Variants in PXDNL observed in about 807,000 individuals in gnomAD.
The protein encoded by PXDNL is probable oxidoreductase PXDNL.
PXDNL carries 145 observed loss-of-function variants against 150.8 expected under a neutral mutation model. That is an observed-to-expected ratio of 0.96 (90% CI 0.84 to 1.10). PXDNL has a LOEUF of 1.10. Among genes scored for constraint, PXDNL ranks in the 50% least tolerant of loss-of-function variants. PXDNL has a pLI of 0.00. For synonymous variants in PXDNL, 757 were observed against 725.7 expected, an observed-to-expected ratio of 1.04 and a Z score of -0.69; for missense variants, 2,087 against 1,873.9, an observed-to-expected ratio of 1.11 and a Z score of -2.10.
chr8:51,356,998 C>T (rs1806529966), intron 19 of PXDNL, among the ~76,000 whole-genome samples: 1 of 152,132 alleles, frequency 6.6e-6, no homozygotes, highest in Non-Finnish European at 1.5e-5. Context: ...ATCCCCCAAA[C>T]CACCCTACTG....
chr8:51,700,326 TACAC>T (rs1816228770), intron 1 of PXDNL, among the ~76,000 whole-genome samples: 2 of 150,920 alleles, frequency 1.3e-5, no homozygotes, highest in South Asian at 2.1e-4. Flanking sequence ...CAAAAATAAA[TACAC>T]ACATATACAC....
chr8:51,792,948 C>T (rs2037527191), intron 1 of PXDNL, among the ~76,000 whole-genome samples: 1 of 152,192 alleles, frequency 6.6e-6, no homozygotes, highest in African/African-American at 2.4e-5. Context: ...GGGATGTCCC[C>T]CAGCACAGCA....
At chr8:51,450,079 C>A (rs11985980) in intron 10 of PXDNL, among the ~76,000 whole-genome samples, 46,040 of 152,136 alleles carry the variant, frequency 0.3, 7,697 homozygotes, top group African/African-American at 0.44. Flanking sequence ...CAATTCCCAG[C>A]ACTTAGAGTT....
rs1432085650 is a variant in PXDNL, at chr8:51,408,788, G to A, written c.2836C>T (p.Arg946Ter). The A allele has an allele frequency of 8.3e-6, 13 of 1,573,184 alleles. No individual in the cohort carries two copies. Among genetic ancestry groups the A allele is most frequent in the South Asian group, 1.2e-5 (1 of 84,064 alleles). ...AAACAGGGGCTCTCCTGCTCCTGTC[G>A]CGCGCACTCGGTGGGTGGGCCTGTA... ...FSTGPPTECA[R>*]QEQESPCFLA... Residue 946 changes from arginine (R) to a stop codon, truncating the protein, a stop_gained, in exon 17 of 23, where the codon CGA (arginine) becomes TGA (stop). Transcript: ENST00000356297. LOFTEE classifies it high-confidence loss of function.
At chr8:51,779,472 G>A (rs1168675038) in intron 1 of PXDNL, among the ~76,000 whole-genome samples, 4 of 152,204 alleles carry the variant, frequency 2.6e-5, no homozygotes, top group South Asian at 4.1e-4. Flanking sequence ...CAGTGGAGAT[G>A]GCACAGTACA....
intron 2 of PXDNL, among the ~76,000 whole-genome samples, chr8:51,652,164 G>T (rs183991611): frequency 6.6e-6 from 1 of 152,102 alleles, no homozygotes; most frequent in East Asian, 1.9e-4. Context: ...TTCATTTTGT[G>T]ATGCTGTGTT....
chr8:51,618,866 G>A (rs759452119), intron 2 of PXDNL, among the ~76,000 whole-genome samples: 1 of 152,104 alleles, frequency 6.6e-6, no homozygotes, highest in Non-Finnish European at 1.5e-5. Flanking sequence ...AAAAAATGTC[G>A]GTGGTTCTTA....
intron 4 of PXDNL, among the ~76,000 whole-genome samples, chr8:51,547,064 C>T (rs1185713316): frequency 6.6e-6 from 1 of 152,166 alleles, no homozygotes; most frequent in Non-Finnish European, 1.5e-5. Context: ...TCTCTACCTG[C>T]CCTTATAGCC....
intron 2 of PXDNL, among the ~76,000 whole-genome samples, chr8:51,593,604 A>G (rs1453253345): frequency 6.6e-6 from 1 of 152,172 alleles, no homozygotes; most frequent in African/African-American, 2.4e-5. Flanking sequence ...TGTTTTGGCC[A>G]CTGGAGCAGG....
chr8:51,465,481 T>C (rs966517253), intron 8 of PXDNL, among the ~76,000 whole-genome samples: 2 of 152,156 alleles, frequency 1.3e-5, no homozygotes, highest in Non-Finnish European at 2.9e-5. Flanking sequence ...AGCATTCCCC[T>C]TGAGAACCAA....
In PXDNL at chr8:51,454,592, A is replaced by G. The variant is rs111813234; in HGVS notation, c.983-807T>C. ...TCTTTTCTGGGAATCTCAAGCAAAA[A>G]TTAAATATTTGCTAAGGTGTTAAAA... On this transcript the variant is annotated intron_variant, in intron 9 of 22. Transcript: ENST00000356297. Among the ~76,000 whole-genome samples the G allele has an allele frequency of 6.6e-3, 1,005 of 152,330 alleles. 5 individuals carry two copies. Among genetic ancestry groups the G allele is most frequent in the African/African-American group, 0.023 (957 of 41,566 alleles).
Position 51,453,576 on chromosome 8 carries a change from A to T in PXDNL, c.1192T>A (p.Cys398Ser). The T allele has an allele frequency of 6.2e-7, 1 of 1,614,040 alleles. No homozygotes were observed. Among genetic ancestry groups the T allele is most frequent in the Non-Finnish European group, 8.5e-7 (1 of 1,179,898 alleles). ...GTGCCGTGGCTATTGTTGGCATGAC[A>T]GGTAAATCGACCATGATCCCGTTGT... ...ITQRDHGRFTCHANNSHGTVQ... is the reference protein window; with the variant it reads ...ITQRDHGRFTSHANNSHGTVQ... Residue 398 changes from cysteine (C) to serine (S), a missense_variant, in exon 10 of 23, where the codon TGT (cysteine) becomes AGT (serine). Coordinates refer to ENST00000356297, the MANE Select transcript of PXDNL (RefSeq NM_144651.5).
intron 2 of PXDNL, among the ~76,000 whole-genome samples, chr8:51,613,166 A>C (rs1814053457): frequency 6.6e-6 from 1 of 152,098 alleles, no homozygotes; most frequent in Admixed American, 6.6e-5. Context: ...CTCAGGTTTC[A>C]GATCTGGATT....
In PXDNL at chr8:51,409,121, C is replaced by G. The variant is rs1304061481; in HGVS notation, c.2503G>C (p.Val835Leu). ...AAACAAGGAGGGTCGTTGGTGCAGA[C>G]GGAGCTGCACGGCCGCCCATCCGAG... ...RFSDGRPCSS[V>L]CTNDPPCFPM... The change falls in exon 17 of 23, where the codon GTC (valine) becomes CTC (leucine). Residue 835 changes from valine (V) to leucine (L), a missense_variant. Coordinates refer to ENST00000356297, the MANE Select transcript of PXDNL (RefSeq NM_144651.5). The G allele has an allele frequency of 1.2e-6, 2 of 1,606,760 alleles. No individual in the cohort carries two copies. The highest frequency in any genetic ancestry group is 2.2e-5 in the South Asian group (2 of 90,790).
At chr8:51,756,651 G>A (rs1259239114) in intron 1 of PXDNL, among the ~76,000 whole-genome samples, 1 of 151,696 alleles carries the variant, frequency 6.6e-6, no homozygotes, top group Admixed American at 6.6e-5. Flanking sequence ...TTACAGCTAT[G>A]TTACTTTAGA....
At chr8:51,446,679 G>A (rs1237015896) in intron 12 of PXDNL, among the ~76,000 whole-genome samples, 1 of 152,092 alleles carries the variant, frequency 6.6e-6, no homozygotes, top group Non-Finnish European at 1.5e-5. Context: ...CAGCACGTCA[G>A]GCCGAGAAGC....
chr8:51,788,412 T>C (rs1332976548), intron 1 of PXDNL, among the ~76,000 whole-genome samples: 1 of 152,224 alleles, frequency 6.6e-6, no homozygotes, highest in Non-Finnish European at 1.5e-5. Flanking sequence ...CACCACTCAA[T>C]TGTTCAAGGA....
At chr8:51,782,312 C>A (rs575713364) in intron 1 of PXDNL, among the ~76,000 whole-genome samples, 1 of 152,230 alleles carries the variant, frequency 6.6e-6, no homozygotes, top group African/African-American at 2.4e-5. Flanking sequence ...GGGCTTAGCT[C>A]CAAGCTCAAG....
chr8:51,650,501 T>C (rs539002247), intron 2 of PXDNL, among the ~76,000 whole-genome samples: 1 of 152,334 alleles, frequency 6.6e-6, no homozygotes, highest in Non-Finnish European at 1.5e-5. Flanking sequence ...TAGGAAGAGA[T>C]CAGCCAGAGT....
Sources: allele counts gnomAD v4.1 joint callset (sites outside exome capture counted in the v4.1 genomes callset), GRCh38; gene constraint gnomAD v4.1.1; transcripts MANE v1.5; gene names NCBI Gene and HGNC (gene_info 2026-07-23, HGNC 2026-07-21).